COL7A1: variants seen among roughly 807,000 people sequenced by gnomAD.
The protein encoded by COL7A1 is collagen type VII alpha 1 chain.
In COL7A1, 296 loss-of-function variants were observed where a neutral mutation model predicts 456.2. That is an observed-to-expected ratio of 0.65 (90% CI 0.59 to 0.71). The LOEUF (loss-of-function observed/expected upper bound fraction) is 0.71, where lower values mean the gene tolerates loss of function less well. Among genes scored for constraint, COL7A1 ranks in the 30% least tolerant of loss-of-function variants. The pLI is 0.00. For synonymous variants in COL7A1, 1,464 were observed against 1,525.9 expected (o/e 0.96, Z 0.95); for missense variants, 3,441 against 4,017.2 (o/e 0.86, Z 3.88).
chr3:48,581,803 T>C lies in COL7A1; in HGVS notation c.4669-44A>G, dbSNP rs1163002570. The C allele has an allele frequency of 9.9e-6, 16 of 1,613,648 alleles. No homozygotes were observed. Among genetic ancestry groups the C allele is most frequent in the Non-Finnish European group, 1.3e-5 (15 of 1,179,762 alleles). On this transcript the variant is annotated intron_variant, in intron 48 of 118. Coordinates refer to ENST00000681320, the MANE Select transcript of COL7A1 (RefSeq NM_000094.4). The surrounding 1 kb of genome is among the most constrained non-coding windows in gnomAD (Gnocchi z 5.8). ...ATCAGTGCTAGTCCCAGGCTCCAGT[T>C]AACCCCCTGACCCAGCAAGTCCTGT...
chr3:48,565,332 T>C lies in COL7A1; in HGVS notation c.8527+78A>G. On this transcript the variant is annotated intron_variant, in intron 116 of 118. Transcript: ENST00000681320. This position sits in a 1 kb window ranked among gnomAD's most constrained non-coding sequence, Gnocchi z 4.5. ...GCATGCAGACCCTACGTGCTTGGCG[T>C]GTGCCCTGCATTCATGGACACCCAT... 1 of 1,523,140 alleles carries C rather than the reference T, an allele frequency of 6.6e-7. No individual in the cohort carries two copies. Among genetic ancestry groups the C allele is most frequent in the Non-Finnish European group, 9.0e-7 (1 of 1,116,758 alleles). 94.4% of individuals were successfully genotyped at this position (1,523,140 alleles called of 1,614,324 possible). A position where few individuals can be genotyped will look rare whatever the true frequency, so the allele number is the denominator to read the frequency against.
At position 48,584,014 on chromosome 3, in the gene COL7A1, C is replaced by T. The variant is rs964503141; in HGVS notation, c.4224+21G>A. 3.7e-6 allele frequency: 6 copies of T among 1,613,956 alleles called. No homozygotes were observed. In the African/African-American group the frequency reaches 8.0e-5, roughly 22 times the overall value. On this transcript the variant is annotated intron_variant, in intron 38 of 118. Transcript: ENST00000681320. ...GAATCAGACTCCAAGCCACCCCTAG[C>T]ACAACCTGTCCCTCACTTACCCGCT...
In COL7A1 at chr3:48,592,744, C is replaced by T; in HGVS notation, c.846+31G>A. 1 of 1,613,366 alleles carries T rather than the reference C, an allele frequency of 6.2e-7. No homozygotes were observed. The highest frequency in any genetic ancestry group is 1.1e-5 in the South Asian group (1 of 91,084). ...ACTTTATCTTGCCCAGCCAAGTCCCCAGCCACCACCTATCACTCCTGACAT... is the reference window on the plus strand; with the variant it reads ...ACTTTATCTTGCCCAGCCAAGTCCCTAGCCACCACCTATCACTCCTGACAT... On this transcript the variant is annotated intron_variant, in intron 7 of 118. Transcript: ENST00000681320. This position sits in a 1 kb window ranked among gnomAD's most constrained non-coding sequence, Gnocchi z 7.6.
rs121912836 is a variant in COL7A1 at position 48,575,392 on chromosome 3, C to T, written c.6127G>A (p.Gly2043Arg). 1 of 1,611,056 alleles carries T rather than the reference C, an allele frequency of 6.2e-7. No individual in the cohort carries two copies. Among genetic ancestry groups the T allele is most frequent in the Non-Finnish European group, 8.5e-7 (1 of 1,178,976 alleles). ...AGEPGKPGIP[G>R]LPGRAGGVGE... ...ACACCCCCAGCCCTGCCTGGGAGCC[C>T]GGGAATACCAGGCTTTCCAGGCTCC... Residue 2043 changes from glycine (G) to arginine (R), a missense_variant, in exon 74 of 119, where the codon GGG becomes AGG. Transcript: ENST00000681320. This position sits in a 1 kb window ranked among gnomAD's most constrained non-coding sequence, Gnocchi z 6.3.
Position 48,567,265 on chromosome 3 carries a change from A to C in COL7A1, c.8047-75T>G. On this transcript the variant is annotated intron_variant, in intron 109 of 118. Coordinates refer to ENST00000681320, the MANE Select transcript of COL7A1 (RefSeq NM_000094.4). This position sits in a 1 kb window ranked among gnomAD's most constrained non-coding sequence, Gnocchi z 4.3. ...TCTGGAACCTCCCTGAACTCCCATG[A>C]GCTCCCTGGCCTAATGCCCAAACCT... 6.4e-7 allele frequency: 1 copy of C among 1,573,188 alleles called. No individual in the cohort carries two copies. Among genetic ancestry groups the C allele is most frequent in the Non-Finnish European group, 8.7e-7 (1 of 1,148,326 alleles).
At chr3:48,577,254 G>A (rs2107685279) in intron 65 of COL7A1, among the ~76,000 whole-genome samples, 1 of 152,370 alleles carries the variant, frequency 6.6e-6, no homozygotes, top group East Asian at 1.9e-4. Flanking sequence ...CATGTCCTTT[G>A]ACTCTGGCTC....
chr3:48,591,571 G>A lies in COL7A1; in HGVS notation c.1529C>T (p.Pro510Leu), dbSNP rs200313202. The A allele has an allele frequency of 5.6e-6, 9 of 1,613,576 alleles. No individual in the cohort carries two copies. The highest frequency in any genetic ancestry group is 1.6e-4 in the Middle Eastern group (1 of 6,082). Residue 510 changes from proline (P) to leucine (L), a missense_variant, in exon 13 of 119, where the codon CCT (proline) becomes CTT (leucine). Coordinates refer to ENST00000681320, the MANE Select transcript of COL7A1 (RefSeq NM_000094.4). The surrounding 1 kb of genome is among the most constrained non-coding windows in gnomAD (Gnocchi z 7.0). ...VPTGPELPVS[P>L]VTDLQATELP... ...CTCGGTGGCTTGCAGGTCTGTTACA[G>A]GGCTCACAGGCAGCTCTGGTCCTGT...
chr3:48,579,006 A>T lies in COL7A1; in HGVS notation c.5389-52T>A, dbSNP rs377568052. 1.6e-5 allele frequency: 25 copies of T among 1,610,536 alleles called. No individual in the cohort carries two copies. In the African/African-American group the frequency reaches 3.2e-4, roughly 21 times the overall value. ...TCATGGTCATGGGGTCAGGGGCTCT[A>T]GTCCCTGTGAGCCTAAGGCCTGCAT... On this transcript the variant is annotated intron_variant, in intron 62 of 118. Coordinates refer to ENST00000681320, the MANE Select transcript of COL7A1 (RefSeq NM_000094.4). This position sits in a 1 kb window ranked among gnomAD's most constrained non-coding sequence, Gnocchi z 4.4.
chr3:48,568,470 G>A lies in COL7A1; in HGVS notation c.7794+29C>T. 1.3e-6 allele frequency: 2 copies of A among 1,589,314 alleles called. No individual in the cohort carries two copies. Among genetic ancestry groups the A allele is most frequent in the Non-Finnish European group, 8.6e-7 (1 of 1,163,888 alleles). The stretch of plus-strand genomic sequence containing the variant: ...GTGACGGGGGCCCTCTGGGGACAGG[G>A]GGCCCCTGTGGGAGCAGGGGCATCT... On this transcript the variant is annotated intron_variant, in intron 105 of 118. Transcript: ENST00000681320. This position sits in a 1 kb window ranked among gnomAD's most constrained non-coding sequence, Gnocchi z 5.2.
rs1420320234 is a variant in COL7A1, at chr3:48,574,708, C to T, written c.6362G>A (p.Ser2121Asn). The T allele has an allele frequency of 6.2e-7, 1 of 1,613,856 alleles. No homozygotes were observed. Among genetic ancestry groups the T allele is most frequent in the African/African-American group, 1.3e-5 (1 of 74,926 alleles). ...TCCTTTGGGACCTTGGTCACCATTG[C>T]TGCCCGGCTCCCCCTGTGGGGATGA... is the stretch of plus-strand genomic sequence containing the variant. The part of the protein sequence containing the change: ...GLKGAKGEPG[S>N]NGDQGPKGDR... Residue 2121 changes from serine to asparagine, a missense_variant, in exon 78 of 119, where the codon AGC becomes AAC. Physicochemically the swap from Ser to Asn is conservative, Grantham distance 46 (BLOSUM62 1). Around this residue, in one of 3 missense-constraint regions of COL7A1, gnomAD observed 2,084 missense variants for 2,501.3 expected, o/e 0.83. Coordinates refer to ENST00000681320, the MANE Select transcript of COL7A1 (RefSeq NM_000094.4). This position sits in a 1 kb window ranked among gnomAD's most constrained non-coding sequence, Gnocchi z 5.0.
Position 48,568,804 on chromosome 3 carries a change from G to A in COL7A1, c.7738C>T (p.Arg2580Cys), listed in dbSNP as rs762084565. 1.5e-5 allele frequency: 23 copies of A among 1,573,178 alleles called. No homozygotes were observed. Among genetic ancestry groups the A allele is most frequent in the Middle Eastern group, 1.7e-4 (1 of 6,016 alleles). The change falls in exon 104 of 119, where the codon CGT becomes TGT. Residue 2580 changes from arginine to cysteine, a missense_variant. Arg to Cys is a radical substitution (Grantham distance 180, BLOSUM62 -3). This residue lies in a region of COL7A1 where 2,084 missense variants were observed against 2,501.3 expected (regional missense o/e 0.83). Coordinates refer to ENST00000681320, the MANE Select transcript of COL7A1 (RefSeq NM_000094.4). The surrounding 1 kb of genome is among the most constrained non-coding windows in gnomAD (Gnocchi z 5.2). ...DKGSAGLPGL[R>C]GLLGPQGQPG... ...CTTGCCTGGGGTCCCAGGAGTCCAC[G>A]CAGTCCTGGCAACCCGGCTGAGCCC...
At position 48,588,783 on chromosome 3, in the gene COL7A1, G is replaced by A. The variant is rs200336324; in HGVS notation, c.2446C>T (p.Pro816Ser). Residue 816 changes from proline (P) to serine (S), a missense_variant, in exon 20 of 119, where the codon CCC (proline) becomes TCC (serine). Transcript: ENST00000681320. This position sits in a 1 kb window ranked among gnomAD's most constrained non-coding sequence, Gnocchi z 4.6. ...RLAWGRSEGGPMRHQILPGNT... is the reference protein window; with the variant it reads ...RLAWGRSEGGSMRHQILPGNT... ...CCTGGGAGTATCTGGTGCCTCATGG[G>A]GCCGCCTGGCCAGGTGGGCATACAG... The A allele has an allele frequency of 6.2e-7, 1 of 1,613,854 alleles. No individual in the cohort carries two copies. Among genetic ancestry groups the A allele is most frequent in the African/African-American group, 1.3e-5 (1 of 75,068 alleles).
rs1236944455 is a variant in COL7A1, at chr3:48,574,197, A to AG, written c.6501+64_6501+65insC. 6.3e-7 allele frequency: 1 copy of AG among 1,588,316 alleles called. No individual in the cohort carries two copies. The highest frequency in any genetic ancestry group is 8.6e-7 in the Non-Finnish European group (1 of 1,158,426). On this transcript the variant is annotated intron_variant, in intron 80 of 118. Coordinates refer to ENST00000681320, the MANE Select transcript of COL7A1 (RefSeq NM_000094.4). The surrounding 1 kb of genome is among the most constrained non-coding windows in gnomAD (Gnocchi z 5.0). ...CACACACACACAGACATGCACACACACAGCAGCAGCAGCACCTAGCGGAGG... is the reference window on the plus strand; with the variant it reads ...CACACACACACAGACATGCACACACAGCAGCAGCAGCAGCACCTAGCGGAGG...
intron 47 of COL7A1, 58 bp downstream of exon 47, chr3:48,582,265 G>C: frequency 6.2e-7 from 1 of 1,612,898 alleles, no homozygotes; most frequent in South Asian, 1.1e-5. Context: ...GTGTTCTATA[G>C]GAGGGTCACT....
chr3:48,570,811 C>T lies in COL7A1; in HGVS notation c.7272+50G>A. 1.9e-6 allele frequency: 3 copies of T among 1,572,348 alleles called. No homozygotes were observed. The highest frequency in any genetic ancestry group is 2.6e-6 in the Non-Finnish European group (3 of 1,158,464). On this transcript the variant is annotated intron_variant, in intron 95 of 118. Coordinates refer to ENST00000681320, the MANE Select transcript of COL7A1 (RefSeq NM_000094.4). This position sits in a 1 kb window ranked among gnomAD's most constrained non-coding sequence, Gnocchi z 5.5. ...AACCCCCAAGGCAGGGCCCCCTCCT[C>T]ACCCACCATGGATTCACCATGCCCC...
In COL7A1 at chr3:48,592,370, C is replaced by T; in HGVS notation, c.1074G>A (p.Val358=). 1 of 1,613,632 alleles carries T rather than the reference C, an allele frequency of 6.2e-7. No individual in the cohort carries two copies. The highest frequency in any genetic ancestry group is 8.5e-7 in the Non-Finnish European group (1 of 1,180,038). The change falls in exon 9 of 119, where the codon GTG becomes GTA. Residue 358 remains valine (V), a synonymous_variant. Coordinates refer to ENST00000681320, the MANE Select transcript of COL7A1 (RefSeq NM_000094.4). The surrounding 1 kb of genome is among the most constrained non-coding windows in gnomAD (Gnocchi z 7.6). ...RSVPGATGYR[V]TWRVLSGGPT... ...ACTCACCACTGAGGACCCGCCATGTCACACGGTAGCCAGTGGCACCTGGCA... is the reference window on the plus strand; with the variant it reads ...ACTCACCACTGAGGACCCGCCATGTTACACGGTAGCCAGTGGCACCTGGCA...
Position 48,585,425 on chromosome 3 carries a change from G to A in COL7A1, c.3894+132C>T. 9.1e-7 allele frequency: 1 copy of A among 1,093,840 alleles called. No individual in the cohort carries two copies. The highest frequency in any genetic ancestry group is 1.4e-6 in the Non-Finnish European group (1 of 722,162). 67.8% of individuals were successfully genotyped at this position (1,093,840 alleles called of 1,614,324 possible). A position where few individuals can be genotyped will look rare whatever the true frequency, so the allele number is the denominator to read the frequency against. ...GAGTGTCCCCCAAAGTCTCTGTGGTGGTTTATAACCTCCAGCTGGGCTTCT... is the reference window on the plus strand; with the variant it reads ...GAGTGTCCCCCAAAGTCTCTGTGGTAGTTTATAACCTCCAGCTGGGCTTCT... On this transcript the variant is annotated intron_variant, in intron 32 of 118. Transcript: ENST00000681320. The surrounding 1 kb of genome is among the most constrained non-coding windows in gnomAD (Gnocchi z 4.5).
Position 48,586,964 on chromosome 3 carries a change from G to T in COL7A1, c.3276+8C>A. On this transcript the variant is annotated splice_region_variant and intron_variant, in intron 25 of 118. Coordinates refer to ENST00000681320, the MANE Select transcript of COL7A1 (RefSeq NM_000094.4). This position sits in a 1 kb window ranked among gnomAD's most constrained non-coding sequence, Gnocchi z 5.1. ...GAGAGGTAGAATCTGGCTGCCCCAG[G>T]GCCAAACCTGAACTGCCTGTGGCCC... 6.3e-7 allele frequency: 1 copy of T among 1,585,576 alleles called. No individual in the cohort carries two copies. Among genetic ancestry groups the T allele is most frequent in the East Asian group, 2.3e-5 (1 of 43,840 alleles).
rs755870971 is a variant in COL7A1, at chr3:48,570,204, A to T, written c.7441-26T>A. The T allele has an allele frequency of 3.7e-6, 6 of 1,614,018 alleles. No homozygotes were observed. Among genetic ancestry groups the T allele is most frequent in the Non-Finnish European group, 5.1e-6 (6 of 1,179,962 alleles). ...CTGGATGGTGACATTAGGTTCATTG[A>T]CTCAGAGGTTGGAAATCAGAGGCAA... On this transcript the variant is annotated intron_variant, in intron 98 of 118. Coordinates refer to ENST00000681320, the MANE Select transcript of COL7A1 (RefSeq NM_000094.4). This position sits in a 1 kb window ranked among gnomAD's most constrained non-coding sequence, Gnocchi z 5.5.
Sources: gnomAD v4.1 joint callset for allele counts (sites outside exome capture counted in the v4.1 genomes callset) on GRCh38, gnomAD v4.1.1 for gene constraint, gnomAD v4.1.1 regional missense constraint, Gnocchi (gnomAD v3.1) non-coding constraint, MANE v1.5 for transcripts, NCBI Gene and HGNC (gene_info 2026-07-23, HGNC 2026-07-21) for gene names.